Variants in CHST9 observed in about 807,000 individuals in gnomAD.
CHST9 encodes carbohydrate sulfotransferase 9.
CHST9 carries 41 observed loss-of-function variants against 44.4 expected under a neutral mutation model. The observed-to-expected ratio is 0.92, with a 90% CI of 0.72 to 1.20. The LOEUF is 1.20. Ranked by LOEUF, CHST9 falls within the 50% of genes most tolerant of loss-of-function variation. CHST9 has a pLI of 0.00. For synonymous variants in CHST9, 171 were observed against 178.4 expected (o/e 0.96, Z 0.33); for missense variants, 504 against 516.5 (o/e 0.98, Z 0.23).
chr18:27,097,091 C>T (rs2058124381), intron 2 of CHST9, among the ~76,000 whole-genome samples: 1 of 152,104 alleles, frequency 6.6e-6, no homozygotes, highest in Admixed American at 6.5e-5. Flanking sequence ...ATCAAATAGG[C>T]TTCATTCCCG....
intron 4 of CHST9, among the ~76,000 whole-genome samples, chr18:26,963,728 T>A (rs1394711440): frequency 6.6e-6 from 1 of 152,202 alleles, no homozygotes; most frequent in African/African-American, 2.4e-5. Context: ...ATTCTTCATT[T>A]TAGTAGCCAT....
chr18:27,038,141 G>T (rs1290939467), intron 3 of CHST9, among the ~76,000 whole-genome samples: 2 of 152,042 alleles, frequency 1.3e-5, no homozygotes, highest in African/African-American at 4.8e-5. Context: ...AAAATGACAA[G>T]AATTGTTTTT....
At chr18:27,092,723 C>A (rs536284215) in intron 2 of CHST9, among the ~76,000 whole-genome samples, 1 of 152,258 alleles carries the variant, frequency 6.6e-6, no homozygotes, top group South Asian at 2.1e-4. Context: ...CATTCAGGAG[C>A]AGGTTGTTCA....
chr18:27,052,457 C>A (rs907998447), intron 2 of CHST9, among the ~76,000 whole-genome samples: 1 of 152,096 alleles, frequency 6.6e-6, no homozygotes, highest in South Asian at 2.1e-4. Flanking sequence ...TAGATGGAGA[C>A]GACCCTCTAG....
intron 2 of CHST9, among the ~76,000 whole-genome samples, chr18:27,068,181 A>G (rs1210659874): frequency 6.6e-6 from 1 of 152,162 alleles, no homozygotes; most frequent in East Asian, 1.9e-4. Flanking sequence ...GAAAACTATG[A>G]TTGCTCCTCT....
chr18:26,942,710 A>G (rs1158999508), intron 5 of CHST9, among the ~76,000 whole-genome samples: 2 of 152,234 alleles, frequency 1.3e-5, no homozygotes, highest in Non-Finnish European at 2.9e-5. Context: ...AAGTATTCCT[A>G]TATGATTTAA....
At chr18:27,055,976 C>G (rs1248378157) in intron 2 of CHST9, among the ~76,000 whole-genome samples, 2 of 150,460 alleles carry the variant, frequency 1.3e-5, no homozygotes, top group Non-Finnish European at 3.0e-5. Context: ...ACACAAGATA[C>G]GTTTGGCATA....
chr18:27,162,628 T>C (rs1289247607), intron 1 of CHST9, among the ~76,000 whole-genome samples: 2 of 152,254 alleles, frequency 1.3e-5, no homozygotes, highest in Non-Finnish European at 2.9e-5. Flanking sequence ...TGGCGTTCTC[T>C]GTATTTCCTG....
chr18:27,029,212 A>C (rs1484178894), intron 3 of CHST9, among the ~76,000 whole-genome samples: 1 of 152,214 alleles, frequency 6.6e-6, no homozygotes, highest in Non-Finnish European at 1.5e-5. Flanking sequence ...TTTAGAAAAA[A>C]GACAATTCTT....
In CHST9 at chr18:26,918,326, G is replaced by C. The variant is rs1459110927; in HGVS notation, c.241-976C>G. 6.6e-5 allele frequency among the ~76,000 whole-genome samples: 10 copies of C among 152,182 alleles called. No homozygotes were observed. The South Asian group carries it at 1.0e-3, about 16-fold the overall frequency. Reference sequence around the variant, plus strand: ...GAAAAGGATGGTGTGGAGAGGAATGGACTGGATATATACATATAGGGTTGT... The same window carrying C: ...GAAAAGGATGGTGTGGAGAGGAATGCACTGGATATATACATATAGGGTTGT... On this transcript the variant is annotated intron_variant, in intron 5 of 5. Transcript: ENST00000618847.
chr18:26,919,443 G>A (rs1010868793), intron 5 of CHST9, among the ~76,000 whole-genome samples: 2 of 152,154 alleles, frequency 1.3e-5, no homozygotes, highest in African/African-American at 4.8e-5. Flanking sequence ...ATAGGGTTAT[G>A]GGTGCACATG....
chr18:27,014,526 C>G (rs1457207359), intron 4 of CHST9, among the ~76,000 whole-genome samples: 1 of 119,142 alleles, frequency 8.4e-6, no homozygotes, highest in Non-Finnish European at 1.7e-5. Context: ...AATGTTTTTG[C>G]AACTAACTCA....
chr18:26,926,803 T>A (rs1194810992), intron 5 of CHST9, among the ~76,000 whole-genome samples: 3 of 152,252 alleles, frequency 2.0e-5, no homozygotes, highest in Non-Finnish European at 2.9e-5. Context: ...CTATTTTATT[T>A]CTTAGGTTTG....
chr18:27,041,136 G>A lies in CHST9; in HGVS notation c.160+7329C>T, dbSNP rs147635253. ...AGTTGATCATTCAACACATACATAT[G>A]AGCCTAATAGCATGAGCCCAATTTT... On this transcript the variant is annotated intron_variant, in intron 3 of 5. Coordinates refer to ENST00000618847, the MANE Select transcript of CHST9 (RefSeq NM_031422.6). Among the ~76,000 whole-genome samples, 4 of 152,194 alleles carry A rather than the reference G, an allele frequency of 2.6e-5. No individual in the cohort carries two copies. In the East Asian group the frequency reaches 5.8e-4, roughly 22 times the overall value.
chr18:26,944,408 A>C, intron 4 of CHST9, 42 bp from the exon 5 acceptor site: 1 of 1,376,402 alleles, frequency 7.3e-7, no homozygotes, highest in Non-Finnish European at 1.0e-6. Context: ...TAAAGCATGA[A>C]AATGAATAAA....
chr18:27,071,598 C>G (rs1317675193), intron 2 of CHST9, among the ~76,000 whole-genome samples: 1 of 152,174 alleles, frequency 6.6e-6, no homozygotes, highest in Non-Finnish European at 1.5e-5. Context: ...TTGCATTCCT[C>G]TAAGTGGTAA....
intron 2 of CHST9, among the ~76,000 whole-genome samples, chr18:27,139,821 T>C (rs1391703913): frequency 6.6e-6 from 1 of 152,156 alleles, no homozygotes; most frequent in Non-Finnish European, 1.5e-5. Flanking sequence ...GAAAATAATT[T>C]TCCAACACTT....
At chr18:27,121,586 G>A (rs2058375022) in intron 2 of CHST9, among the ~76,000 whole-genome samples, 1 of 152,146 alleles carries the variant, frequency 6.6e-6, no homozygotes, top group African/African-American at 2.4e-5. Context: ...GGGAAGAAAG[G>A]GAGTCCTTTT....
At chr18:27,159,955 A>G (rs2058732229) in intron 1 of CHST9, among the ~76,000 whole-genome samples, 1 of 152,166 alleles carries the variant, frequency 6.6e-6, no homozygotes, top group Non-Finnish European at 1.5e-5. Context: ...TTGCACATTG[A>G]TTTTGTATCC....
Sources: allele counts gnomAD v4.1 joint callset (sites outside exome capture counted in the v4.1 genomes callset), GRCh38; gene constraint gnomAD v4.1.1; transcripts MANE v1.5; gene names NCBI Gene and HGNC (gene_info 2026-07-23, HGNC 2026-07-21).